The following PIK3CA variants were observed in gnomAD, a reference collection of about 807,000 sequenced individuals.
The protein encoded by PIK3CA is phosphatidylinositol 4,5-bisphosphate 3-kinase catalytic subunit alpha isoform.
Under a neutral mutation model 138.2 loss-of-function variants are expected in PIK3CA, and 27 were observed. The observed-to-expected ratio is 0.20, with a 90% CI of 0.14 to 0.27. The LOEUF is 0.27. Among genes scored for constraint, PIK3CA ranks in the 10% least tolerant of loss-of-function variants. The probability of loss-of-function intolerance (pLI) is 1.00; values close to 1 mark genes in which losing one functional copy is unlikely to be tolerated. For synonymous variants in PIK3CA, 358 were observed against 413.2 expected (o/e 0.87, Z 1.62); for missense variants, 544 against 1,277.4 (o/e 0.43, Z 8.75).
chr3:179,179,372 C>T (rs187349772), intron 1 of PIK3CA, among the ~76,000 whole-genome samples: 1 of 152,280 alleles, frequency 6.6e-6, no homozygotes, highest in Admixed American at 6.5e-5. Flanking sequence ...CTGTACCTGA[C>T]AGTATGTTAA....
rs531718713 is a variant in PIK3CA, at chr3:179,199,601, A to C, written c.353-89A>C. On this transcript the variant is annotated intron_variant, in intron 2 of 20. Coordinates refer to ENST00000263967, the MANE Select transcript of PIK3CA (RefSeq NM_006218.4). ...TTTTTTTACTTTATTGTGATCTTCC[A>C]AATCTACAGAGTTCCCTGTTTGCAA... The C allele has an allele frequency of 1.5e-5, 14 of 939,324 alleles. No homozygotes were observed. In the East Asian group the frequency reaches 3.3e-4, roughly 22 times the overall value. 58.2% of individuals were successfully genotyped at this position (939,324 alleles called of 1,614,324 possible). A position where few individuals can be genotyped will look rare whatever the true frequency, so the allele number is the denominator to read the frequency against.
Position 179,190,257 on chromosome 3 carries a change from A to G in PIK3CA, c.-76-8493A>G, listed in dbSNP as rs148348868. On this transcript the variant is annotated intron_variant, in intron 1 of 20. Coordinates refer to ENST00000263967, the MANE Select transcript of PIK3CA (RefSeq NM_006218.4). ...ATTTAGTTTTTCTACCTGCTCTTCT[A>G]TGCTCTAGGATTATAGTGCATAAAA... is the stretch of plus-strand genomic sequence containing the variant. Among the ~76,000 whole-genome samples the G allele has an allele frequency of 4.9e-3, 739 of 152,078 alleles. 2 individuals are homozygous for G. Among genetic ancestry groups the G allele is most frequent in the Non-Finnish European group, 8.7e-3 (592 of 67,990 alleles).
intron 18 of PIK3CA, 105 bp downstream of exon 18, chr3:179,229,547 C>T (rs971962868): frequency 2.8e-6 from 2 of 717,332 alleles, no homozygotes; most frequent in African/African-American, 3.6e-5. Flanking sequence ...AACAATTGTA[C>T]TTTCTATGGA....
At chr3:179,150,711 C>T (rs1722994340) in intron 1 of PIK3CA, among the ~76,000 whole-genome samples, 1 of 152,154 alleles carries the variant, frequency 6.6e-6, no homozygotes, top group Non-Finnish European at 1.5e-5. Context: ...AGGATAAGGT[C>T]CTCTCCATCC....
rs186009757 is a variant in PIK3CA at position 179,198,686 on chromosome 3, T to A, written c.-76-64T>A. On this transcript the variant is annotated intron_variant, in intron 1 of 20. Coordinates refer to ENST00000263967, the MANE Select transcript of PIK3CA (RefSeq NM_006218.4). ...AAAATGAGTTTTTACATTTTAGCAG[T>A]GTTATAAATGTATTCTTCTGTAGTT... 1.0e-4 allele frequency: 50 copies of A among 488,902 alleles called. No individual in the cohort carries two copies. The Middle Eastern group carries it at 2.4e-3, about 24-fold the overall frequency. 30.3% of individuals were successfully genotyped at this position (488,902 alleles called of 1,614,324 possible). A position where few individuals can be genotyped will look rare whatever the true frequency, so the allele number is the denominator to read the frequency against.
chr3:179,160,140 A>G, intron 1 of PIK3CA, among the ~76,000 whole-genome samples: 1 of 152,202 alleles, frequency 6.6e-6, no homozygotes, highest in Non-Finnish European at 1.5e-5. Flanking sequence ...TTTAAAAAGT[A>G]AAGTAATTGC....
At chr3:179,214,200 A>G (rs925729204) in intron 9 of PIK3CA, among the ~76,000 whole-genome samples, 6 of 152,068 alleles carry the variant, frequency 3.9e-5, no homozygotes, top group Non-Finnish European at 5.9e-5. Context: ...TGCATTCACA[A>G]CTTAGCTGTT....
chr3:179,154,633 A>G (rs778056298), intron 1 of PIK3CA, among the ~76,000 whole-genome samples: 3 of 152,206 alleles, frequency 2.0e-5, no homozygotes, highest in African/African-American at 4.8e-5. Context: ...GTCTTTTTCT[A>G]TATTGATACA....
At chr3:179,207,896 T>A (rs1465139743) in intron 6 of PIK3CA, among the ~76,000 whole-genome samples, 1 of 152,054 alleles carries the variant, frequency 6.6e-6, no homozygotes, top group Admixed American at 6.6e-5. Context: ...TATGTGTTAC[T>A]GGGCATGGTA....
At chr3:179,161,580 C>T (rs1234161113) in intron 1 of PIK3CA, among the ~76,000 whole-genome samples, 2 of 152,154 alleles carry the variant, frequency 1.3e-5, no homozygotes, top group Non-Finnish European at 2.9e-5. Context: ...TGCCTGTAAT[C>T]CCAGCTATCG....
At chr3:179,227,791 C>T (rs1438015258) in intron 17 of PIK3CA, among the ~76,000 whole-genome samples, 1 of 152,010 alleles carries the variant, frequency 6.6e-6, no homozygotes, top group Non-Finnish European at 1.5e-5. Context: ...ATGTTAGGTG[C>T]TTTTTTTCAT....
In PIK3CA at chr3:179,230,827, C is replaced by T. The variant is rs6769162; in HGVS notation, c.2936+451C>T. Among the ~76,000 whole-genome samples, 39,110 of 152,018 alleles carry T rather than the reference C, an allele frequency of 0.26. 5,981 individuals are homozygous for T. Among genetic ancestry groups the T allele is most frequent in the African/African-American group, 0.42 (17,608 of 41,478 alleles). ...AACTATTTTTTGTTTGTTTTTTATTCTATCTTATTTCAATAGCTTTTGGGG... is the reference window on the plus strand; with the variant it reads ...AACTATTTTTTGTTTGTTTTTTATTTTATCTTATTTCAATAGCTTTTGGGG... On this transcript the variant is annotated intron_variant, in intron 20 of 20. Transcript: ENST00000263967. This position sits in a 1 kb window ranked among gnomAD's most constrained non-coding sequence, Gnocchi z 5.4.
intron 17 of PIK3CA, among the ~76,000 whole-genome samples, chr3:179,228,580 A>G (rs1164477065): frequency 6.6e-6 from 1 of 151,982 alleles, no homozygotes; most frequent in African/African-American, 2.4e-5. Context: ...TTCTTTTTAT[A>G]CTTTAATTAA....
chr3:179,152,249 TAC>T (rs1203674081), intron 1 of PIK3CA, among the ~76,000 whole-genome samples: 2 of 152,304 alleles, frequency 1.3e-5, no homozygotes, highest in Non-Finnish European at 1.5e-5. Context: ...CTCAGACATA[TAC>T]ACACACACGC....
At chr3:179,212,626 A>G (rs935417546) in intron 9 of PIK3CA, among the ~76,000 whole-genome samples, 3 of 151,650 alleles carry the variant, frequency 2.0e-5, no homozygotes, top group African/African-American at 7.3e-5. Flanking sequence ...AACAAGAGAG[A>G]GATGGGGTCT....
At position 179,234,608 on chromosome 3, in the gene PIK3CA, C is replaced by G. The variant is rs1430618332; in HGVS notation, c.*244C>G. 8.9e-6 allele frequency: 3 copies of G among 336,718 alleles called. No individual in the cohort carries two copies. The highest frequency in any genetic ancestry group is 1.6e-5 in the Non-Finnish European group (3 of 187,742). The allele number at this position is 336,718 out of a possible 1,614,324, so 20.9% of individuals were successfully genotyped here. A position where few individuals can be genotyped will look rare whatever the true frequency, so the allele number is the denominator to read the frequency against. On this transcript the variant is annotated 3_prime_UTR_variant, in exon 21 of 21. Coordinates refer to ENST00000263967, the MANE Select transcript of PIK3CA (RefSeq NM_006218.4). This position sits in a 1 kb window ranked among gnomAD's most constrained non-coding sequence, Gnocchi z 5.1. The stretch of plus-strand genomic sequence containing the variant: ...AATAATGCGCAATTTCATGTTATGC[C>G]TTAAGTCCAAAAAGGTAAACTTTGA...
chr3:179,152,768 G>C (rs1202565500), intron 1 of PIK3CA, among the ~76,000 whole-genome samples: 1 of 152,084 alleles, frequency 6.6e-6, no homozygotes, highest in Non-Finnish European at 1.5e-5. Context: ...GGTGTGATTA[G>C]GGACCAAAAA....
Position 179,237,102 on chromosome 3 carries a change from T to G in PIK3CA, c.*2738T>G, listed in dbSNP as rs1372700542. The stretch of plus-strand genomic sequence containing the variant: ...TAGTAAGAAATGACTGTTGGAAAAT[T>G]ATGCTTTCACTTTCTACCATATTCT... On this transcript the variant is annotated 3_prime_UTR_variant, in exon 21 of 21. Coordinates refer to ENST00000263967, the MANE Select transcript of PIK3CA (RefSeq NM_006218.4). The G allele has an allele frequency of 1.0e-5, 2 of 196,782 alleles. No individual in the cohort carries two copies. Among genetic ancestry groups the G allele is most frequent in the Non-Finnish European group, 2.1e-5 (2 of 94,916 alleles). The allele number at this position is 196,782 out of a possible 1,614,324, so 12.2% of individuals were successfully genotyped here. A position where few individuals can be genotyped will look rare whatever the true frequency, so the allele number is the denominator to read the frequency against.
chr3:179,231,471 G>C (rs1045922486), intron 20 of PIK3CA, among the ~76,000 whole-genome samples: 1 of 151,740 alleles, frequency 6.6e-6, no homozygotes, highest in Non-Finnish European at 1.5e-5. Context: ...GTTGTTTTTT[G>C]ACTTTTTAAT....
Sources: allele counts gnomAD v4.1 joint callset (sites outside exome capture counted in the v4.1 genomes callset), GRCh38; gene constraint gnomAD v4.1.1; non-coding constraint Gnocchi (gnomAD v3.1); transcripts MANE v1.5; gene names NCBI Gene and HGNC (gene_info 2026-07-23, HGNC 2026-07-21).